LRRC1: variants seen among roughly 807,000 people sequenced by gnomAD.
LRRC1 encodes leucine-rich repeat-containing protein 1.
In LRRC1, 28 loss-of-function variants were observed where a neutral mutation model predicts 69.9. That is an observed-to-expected ratio of 0.40 (90% CI 0.30 to 0.55). The LOEUF (loss-of-function observed/expected upper bound fraction) is 0.55, where lower values mean the gene tolerates loss of function less well. Among genes scored for constraint, LRRC1 ranks in the 20% least tolerant of loss-of-function variants. The pLI, the probability that LRRC1 is intolerant of heterozygous loss-of-function variation, is 0.47. For synonymous variants in LRRC1, 236 were observed against 240.2 expected (o/e 0.98, Z 0.16); for missense variants, 498 against 609.0 (o/e 0.82, Z 1.92).
At chr6:53,879,100 T>G in intron 3 of LRRC1, 29 bp downstream of exon 3, 1 of 1,516,458 alleles carries the variant, frequency 6.6e-7, no homozygotes, top group Non-Finnish European at 9.1e-7. Flanking sequence ...TTTCTGTCTA[T>G]ACTAGTAAGA....
chr6:53,896,884 T>A lies in LRRC1; in HGVS notation c.559T>A (p.Tyr187Asn), dbSNP rs749767208. The A allele has an allele frequency of 2.5e-6, 4 of 1,589,706 alleles. No individual in the cohort carries two copies. The highest frequency in any genetic ancestry group is 3.5e-6 in the Non-Finnish European group (4 of 1,158,264). The change falls in exon 6 of 14, where the codon TAT becomes AAT. Residue 187 changes from tyrosine (Y) to asparagine (N), a missense_variant. Coordinates refer to ENST00000370888, the MANE Select transcript of LRRC1 (RefSeq NM_018214.5). ...ACTTGATTTAGGAAACAATGAAATA[T>A]ATAATTTGGTAAGTCCGTATTAGAG... The part of the protein sequence containing the change: ...EELDLGNNEI[Y>N]NLPESIGALL...
At chr6:53,860,641 C>T (rs1766467433) in intron 2 of LRRC1, among the ~76,000 whole-genome samples, 1 of 152,124 alleles carries the variant, frequency 6.6e-6, no homozygotes, top group Admixed American at 6.5e-5. Context: ...TAGATCCAAA[C>T]AGTCCTGCTT....
chr6:53,876,451 C>T (rs1231442974), intron 2 of LRRC1, among the ~76,000 whole-genome samples: 2 of 152,172 alleles, frequency 1.3e-5, no homozygotes. Flanking sequence ...ATCCCCCAAA[C>T]TCTTAACTCA....
intron 2 of LRRC1, among the ~76,000 whole-genome samples, chr6:53,864,965 A>G (rs1052908706): frequency 2.6e-5 from 4 of 152,136 alleles, no homozygotes; most frequent in Admixed American, 6.5e-5. Flanking sequence ...TAAAAAATAT[A>G]AAGTGTCCAT....
chr6:53,896,938 G>T, intron 6 of LRRC1, 46 bp downstream of exon 6: 1 of 1,257,836 alleles, frequency 8.0e-7, no homozygotes, highest in South Asian at 1.2e-5. Context: ...TTTTAGTTAT[G>T]ATCACACAGT....
At chr6:53,858,439 C>T (rs995801696) in intron 2 of LRRC1, among the ~76,000 whole-genome samples, 12 of 152,136 alleles carry the variant, frequency 7.9e-5, no homozygotes, top group Admixed American at 2.6e-4. Flanking sequence ...TAACCCTCTC[C>T]CCCTCTGTGT....
intron 2 of LRRC1, among the ~76,000 whole-genome samples, chr6:53,847,459 C>A (rs144175893): frequency 7.2e-5 from 11 of 152,168 alleles, no homozygotes; most frequent in Admixed American, 7.2e-4. Context: ...TCTTATGGGG[C>A]AAATGGAACT....
At chr6:53,808,508 C>T (rs1198243860) in intron 1 of LRRC1, among the ~76,000 whole-genome samples, 2 of 152,160 alleles carry the variant, frequency 1.3e-5, no homozygotes, top group East Asian at 1.9e-4. Flanking sequence ...GCTTTAAGCA[C>T]TTCCTGTGAT....
intron 8 of LRRC1, among the ~76,000 whole-genome samples, chr6:53,900,543 G>T (rs1768027532): frequency 6.6e-6 from 1 of 152,150 alleles, no homozygotes; most frequent in Non-Finnish European, 1.5e-5. Flanking sequence ...TAAGGCATAT[G>T]AGCAGTCACT....
At chr6:53,800,648 T>TC (rs984025562) in intron 1 of LRRC1, among the ~76,000 whole-genome samples, 1 of 148,356 alleles carries the variant, frequency 6.7e-6, no homozygotes, top group African/African-American at 2.5e-5. Flanking sequence ...CAATAATACT[T>TC]TTTTTTTTTT....
At chr6:53,817,656 C>G (rs1311931587) in intron 1 of LRRC1, among the ~76,000 whole-genome samples, 1 of 152,182 alleles carries the variant, frequency 6.6e-6, no homozygotes, top group African/African-American at 2.4e-5. Flanking sequence ...CCTCTAGTAA[C>G]CACCATTTTA....
chr6:53,797,983 C>T (rs1169061879), intron 1 of LRRC1, among the ~76,000 whole-genome samples: 2 of 152,156 alleles, frequency 1.3e-5, no homozygotes, highest in South Asian at 2.1e-4. Flanking sequence ...TTACTCATGT[C>T]ATTATAACTT....
intron 1 of LRRC1, among the ~76,000 whole-genome samples, chr6:53,841,549 A>G (rs1433722484): frequency 6.6e-6 from 1 of 152,140 alleles, no homozygotes; most frequent in Non-Finnish European, 1.5e-5. Flanking sequence ...CAGTTTTTAA[A>G]AAGTATGGGG....
intron 2 of LRRC1, among the ~76,000 whole-genome samples, chr6:53,860,023 C>G (rs1452279094): frequency 6.6e-6 from 1 of 152,164 alleles, no homozygotes; most frequent in Non-Finnish European, 1.5e-5. Context: ...TTCTCTCTCC[C>G]TTTCACCCTA....
intron 2 of LRRC1, among the ~76,000 whole-genome samples, chr6:53,852,154 G>T (rs2127419798): frequency 6.6e-6 from 1 of 152,278 alleles, no homozygotes; most frequent in Non-Finnish European, 1.5e-5. Flanking sequence ...ACTGTATAGA[G>T]ATGTTTTTGA....
intron 1 of LRRC1, among the ~76,000 whole-genome samples, chr6:53,824,435 G>C (rs893641509): frequency 6.6e-6 from 1 of 151,998 alleles, no homozygotes; most frequent in African/African-American, 2.4e-5. Context: ...CATTCTGCAG[G>C]TTCTCTGTTT....
chr6:53,849,649 C>A, intron 2 of LRRC1, among the ~76,000 whole-genome samples: 1 of 152,144 alleles, frequency 6.6e-6, no homozygotes, highest in Non-Finnish European at 1.5e-5. Context: ...TGGAAAGGGA[C>A]TTGAGCCAAG....
intron 1 of LRRC1, among the ~76,000 whole-genome samples, chr6:53,801,648 A>G (rs1764488939): frequency 6.6e-6 from 1 of 151,974 alleles, no homozygotes. Flanking sequence ...CTCACCTCTC[A>G]TACTTAAAAG....
chr6:53,826,434 T>C (rs1319322422), intron 1 of LRRC1, among the ~76,000 whole-genome samples: 1 of 152,104 alleles, frequency 6.6e-6, no homozygotes, highest in East Asian at 1.9e-4. Context: ...GAGCCCCCAT[T>C]ACTCTCCATA....
Sources: allele counts gnomAD v4.1 joint callset (sites outside exome capture counted in the v4.1 genomes callset), GRCh38; gene constraint gnomAD v4.1.1; transcripts MANE v1.5; gene names NCBI Gene and HGNC (gene_info 2026-07-23, HGNC 2026-07-21).